ZNF282: variants seen among roughly 807,000 people sequenced by gnomAD.
ZNF282 encodes the protein HTLV-I U5 repressive element-binding protein 1.
Under a neutral mutation model 61.9 loss-of-function variants are expected in ZNF282, and 30 were observed. That is an observed-to-expected ratio of 0.48 (90% CI 0.36 to 0.66). The LOEUF (loss-of-function observed/expected upper bound fraction) is 0.66, where lower values mean the gene tolerates loss of function less well. ZNF282 is among the 30% of genes least tolerant of loss of function. The pLI, the probability that ZNF282 is intolerant of heterozygous loss-of-function variation, is 0.00. For missense variants in ZNF282, 788 were observed against 941.4 expected (o/e 0.84, Z 2.13); for synonymous variants, 396 against 405.0 (o/e 0.98, Z 0.27).
intron 3 of ZNF282, 110 bp downstream of exon 3, chr7:149,206,932 A>G (rs1486310334): frequency 1.4e-6 from 2 of 1,434,280 alleles, no homozygotes; most frequent in South Asian, 1.3e-5. Flanking sequence ...TTTTTATGTA[A>G]TGGAAACTCA....
chr7:149,224,448 T>G lies in ZNF282; in HGVS notation c.1817T>G (p.Leu606Arg), dbSNP rs748266878. The G allele has an allele frequency of 1.9e-6, 3 of 1,612,400 alleles. No homozygotes were observed. In the South Asian group the frequency reaches 3.3e-5, roughly 18 times the overall value. ...GGCGAGCGGCCTTTCCAATGTGCAC[T>G]GTGCGGCAAGAGCTTCATCCGCAAG... ...HTGERPFQCA[L>R]CGKSFIRKQN... The change falls in exon 8 of 8, where the codon CTG (leucine) becomes CGG (arginine). Residue 606 changes from leucine to arginine, a missense_variant. Physicochemically the swap from Leu to Arg is moderately radical, Grantham distance 102 (BLOSUM62 -2). This residue lies in a region of ZNF282 where 559 missense variants were observed against 642.0 expected (regional missense o/e 0.87). Transcript: ENST00000610704.
intron 7 of ZNF282, among the ~76,000 whole-genome samples, chr7:149,215,175 C>T (rs868214873): frequency 3.1e-4 from 47 of 151,546 alleles, no homozygotes; most frequent in Middle Eastern, 3.4e-3. Flanking sequence ...CATGTGTGTT[C>T]CCTGTCCATA....
chr7:149,217,355 G>A (rs1022610860), intron 7 of ZNF282, among the ~76,000 whole-genome samples: 2 of 152,112 alleles, frequency 1.3e-5, no homozygotes, highest in Non-Finnish European at 2.9e-5. Flanking sequence ...TGGCCAACAT[G>A]GTGAAACTCC....
At position 149,195,690 on chromosome 7, in the gene ZNF282, A is replaced by G; in HGVS notation, c.101A>G (p.Glu34Gly). ...SWSWAQALPP[E>G]EVCHQEPALR... is the part of the protein sequence containing the mutation. ...AGCTGGGCCCAGGCTCTGCCCCCGG[A>G]GGAGGTCTGCCACCAGGAGCCGGCG... The change falls in exon 1 of 8, where the codon GAG becomes GGG. Residue 34 changes from glutamate (E) to glycine (G), a missense_variant. Physicochemically the swap from Glu to Gly is moderately conservative, Grantham distance 98. Transcript: ENST00000610704. 6.3e-7 allele frequency: 1 copy of G among 1,575,208 alleles called. No individual in the cohort carries two copies.
At chr7:149,212,243 C>T (rs1052145265) in intron 5 of ZNF282, 115 bp from the exon 6 acceptor site, 1 of 676,952 alleles carries the variant, frequency 1.5e-6, no homozygotes, top group African/African-American at 1.8e-5. Context: ...TGTAATTGTA[C>T]CTGATGTTTA....
chr7:149,199,008 TG>T (rs1480360946), intron 2 of ZNF282, among the ~76,000 whole-genome samples: 1 of 152,218 alleles, frequency 6.6e-6, no homozygotes, highest in Non-Finnish European at 1.5e-5. Context: ...TAGACCCCTC[TG>T]AGTTGTCTGG....
chr7:149,211,213 T>C (rs4727031), intron 5 of ZNF282, among the ~76,000 whole-genome samples: 86,658 of 152,010 alleles, frequency 0.57, 26,250 homozygotes, highest in East Asian at 0.87. Flanking sequence ...AGCTCTGTTA[T>C]AGCAGATGTA....
chr7:149,220,095 A>G (rs1198426329), intron 7 of ZNF282, among the ~76,000 whole-genome samples: 1 of 151,910 alleles, frequency 6.6e-6, no homozygotes, highest in African/African-American at 2.4e-5. Context: ...CTACTTTAGA[A>G]CCCTGATTCA....
At chr7:149,221,252 T>C (rs1796245188) in intron 7 of ZNF282, among the ~76,000 whole-genome samples, 1 of 152,122 alleles carries the variant, frequency 6.6e-6, no homozygotes, top group East Asian at 1.9e-4. Flanking sequence ...CTGAGTGCAG[T>C]CACAGGACTG....
intron 7 of ZNF282, among the ~76,000 whole-genome samples, chr7:149,215,793 A>G (rs1796153249): frequency 6.6e-6 from 1 of 152,226 alleles, no homozygotes; most frequent in African/African-American, 2.4e-5. Context: ...AGCCAACTCC[A>G]TCTCTTCCTC....
At chr7:149,205,346 G>A (rs1278391473) in intron 2 of ZNF282, among the ~76,000 whole-genome samples, 5 of 152,158 alleles carry the variant, frequency 3.3e-5, no homozygotes, top group African/African-American at 9.7e-5. Context: ...GCTGAGGCAG[G>A]AGAATCACTT....
chr7:149,198,261 C>A lies in ZNF282; in HGVS notation c.166-72C>A. ...CATGTAGCATCTGATTAGTTGACCC[C>A]TGTTCCCAGCTGACTTCCCCGGCTC... On this transcript the variant is annotated intron_variant, in intron 1 of 7. Transcript: ENST00000610704. The surrounding 1 kb of genome is among the most constrained non-coding windows in gnomAD (Gnocchi z 4.3). 1 of 1,514,874 alleles carries A rather than the reference C, an allele frequency of 6.6e-7. No individual in the cohort carries two copies. The highest frequency in any genetic ancestry group is 1.3e-5 in the South Asian group (1 of 76,478). The allele number at this position is 1,514,874 out of a possible 1,614,324, so 93.8% of individuals were successfully genotyped here.
chr7:149,198,333 G>C lies in ZNF282; in HGVS notation c.166G>C (p.Ala56Pro). Residue 56 changes from alanine to proline, a missense_variant and splice_region_variant, in exon 2 of 8, where the codon GCT (alanine) becomes CCT (proline). Coordinates refer to ENST00000610704, the MANE Select transcript of ZNF282 (RefSeq NM_003575.4). This position sits in a 1 kb window ranked among gnomAD's most constrained non-coding sequence, Gnocchi z 4.3. The part of the protein sequence containing the change: ...EMAEGMPPMQ[A>P]QEWDMDARRP... ...TGTCGCTTTCTCCCTCTGCATACAG[G>C]CTCAAGAATGGGACATGGACGCCCG... 1 of 1,601,870 alleles carries C rather than the reference G, an allele frequency of 6.2e-7. No individual in the cohort carries two copies. Among genetic ancestry groups the C allele is most frequent in the Non-Finnish European group, 8.5e-7 (1 of 1,172,626 alleles).
chr7:149,209,069 A>C (rs747559078), intron 4 of ZNF282, among the ~76,000 whole-genome samples: 13 of 149,584 alleles, frequency 8.7e-5, no homozygotes, highest in Non-Finnish European at 1.6e-4. Context: ...CTGTAATCCC[A>C]GCACTTTGAA....
At chr7:149,199,169 T>C (rs2129523028) in intron 2 of ZNF282, among the ~76,000 whole-genome samples, 1 of 152,294 alleles carries the variant, frequency 6.6e-6, no homozygotes, top group Admixed American at 6.5e-5. Context: ...TGCTTTCAAG[T>C]CGTAGTCACT....
rs543791221 is a variant in ZNF282, at chr7:149,201,769, C to T, written c.585+3017C>T. On this transcript the variant is annotated intron_variant, in intron 2 of 7. Transcript: ENST00000610704. ...TCTGTCTTAAAAAAAACCCAAAAAACACCTCCCAAATGGCTTCCCATCTGA... is the reference window on the plus strand; with the variant it reads ...TCTGTCTTAAAAAAAACCCAAAAAATACCTCCCAAATGGCTTCCCATCTGA... Among the ~76,000 whole-genome samples the T allele has an allele frequency of 9.9e-5, 15 of 151,914 alleles. No homozygotes were observed. In the South Asian group the frequency reaches 3.1e-3, roughly 32 times the overall value.
chr7:149,198,744 G>T lies in ZNF282; in HGVS notation c.577G>T (p.Ala193Ser). The change falls in exon 2 of 8, where the codon GCC (alanine) becomes TCC (serine). Residue 193 changes from alanine to serine, a missense_variant. By Grantham distance (99) the Ala-to-Ser change is moderately conservative. Coordinates refer to ENST00000610704, the MANE Select transcript of ZNF282 (RefSeq NM_003575.4). This position sits in a 1 kb window ranked among gnomAD's most constrained non-coding sequence, Gnocchi z 4.3. ...LRLPPGSKGE[A>S]PKVPVTFVDI... ...GCTGCCCCCGGGCAGCAAGGGGGAGGCCCCCAAGGTATGTGGTGGTCCCTG... is the reference window on the plus strand; with the variant it reads ...GCTGCCCCCGGGCAGCAAGGGGGAGTCCCCCAAGGTATGTGGTGGTCCCTG... 2 of 1,613,136 alleles carry T rather than the reference G, an allele frequency of 1.2e-6. No homozygotes were observed. Among genetic ancestry groups the T allele is most frequent in the Non-Finnish European group, 1.7e-6 (2 of 1,179,556 alleles).
intron 6 of ZNF282, among the ~76,000 whole-genome samples, 200 bp downstream of exon 6, chr7:149,212,671 C>T (rs1381067638): frequency 6.6e-6 from 1 of 152,152 alleles, no homozygotes. Context: ...ACCTCCGTTT[C>T]CCGGGTTTAA....
chr7:149,224,440 A>G lies in ZNF282; in HGVS notation c.1809A>G (p.Gln603=), dbSNP rs370586943. The G allele has an allele frequency of 8.7e-6, 14 of 1,612,540 alleles. No homozygotes were observed. The East Asian group carries it at 1.6e-4, about 18-fold the overall frequency. ...QRLHTGERPF[Q]CALCGKSFIR... ...TGCACACGGGCGAGCGGCCTTTCCA[A>G]TGTGCACTGTGCGGCAAGAGCTTCA... Residue 603 remains glutamine (Q), a synonymous_variant, in exon 8 of 8, where the codon CAA becomes CAG. Coordinates refer to ENST00000610704, the MANE Select transcript of ZNF282 (RefSeq NM_003575.4).
Sources: allele counts gnomAD v4.1 joint callset (sites outside exome capture counted in the v4.1 genomes callset), GRCh38; gene constraint gnomAD v4.1.1; regional missense constraint gnomAD v4.1.1; non-coding constraint Gnocchi (gnomAD v3.1); transcripts MANE v1.5; gene names NCBI Gene and HGNC (gene_info 2026-07-23, HGNC 2026-07-21).